Variants in ADAMTS13 observed in about 807,000 individuals in gnomAD.
ADAMTS13 encodes ADAM metallopeptidase with thrombospondin type 1 motif 13, also known as A disintegrin and metalloproteinase with thrombospondin motifs 13.
Under a neutral mutation model 155.1 loss-of-function variants are expected in ADAMTS13, and 110 were observed. The observed-to-expected ratio is 0.71, with a 90% CI of 0.61 to 0.83. The LOEUF (loss-of-function observed/expected upper bound fraction) is 0.83. ADAMTS13 is among the 40% of genes least tolerant of loss of function. The probability of loss-of-function intolerance (pLI) is 0.00; values close to 1 mark genes in which losing one functional copy is unlikely to be tolerated. For synonymous variants in ADAMTS13, 758 were observed against 756.4 expected, an observed-to-expected ratio of 1.00 and a Z score of -0.03; for missense variants, 1,707 against 1,891.7, an observed-to-expected ratio of 0.90 and a Z score of 1.81.
rs1019836624 is a variant in ADAMTS13, at chr9:133,425,246, C to T, written c.331-283C>T. Among the ~76,000 whole-genome samples the T allele has an allele frequency of 8.5e-5, 13 of 152,220 alleles. No individual in the cohort carries two copies. Among genetic ancestry groups the T allele is most frequent in the Non-Finnish European group, 1.8e-4 (12 of 68,042 alleles). On this transcript the variant is annotated intron_variant, in intron 3 of 28. Transcript: ENST00000355699. This position sits in a 1 kb window ranked among gnomAD's most constrained non-coding sequence, Gnocchi z 4.6. The stretch of plus-strand genomic sequence containing the variant: ...CGATCTGAGAGGAGCAGCGTTTGAC[C>T]GGAATATCCGACTCGTGACCATCTG...
chr9:133,443,611 C>T (rs1285943247), intron 19 of ADAMTS13, 50 bp downstream of exon 19: 30 of 1,476,742 alleles, frequency 2.0e-5, no homozygotes, highest in African/African-American at 4.2e-5. Flanking sequence ...TGGCAGAGCT[C>T]GTCCCTGCGC....
At chr9:133,430,235 A>G in intron 8 of ADAMTS13, 134 bp downstream of exon 8, 3 of 1,136,854 alleles carry the variant, frequency 2.6e-6, no homozygotes, top group Non-Finnish European at 3.8e-6. Context: ...AGGGCGGCTT[A>G]GTTTAATGCT....
chr9:133,432,763 T>A, intron 9 of ADAMTS13, 71 bp downstream of exon 9: 2 of 1,429,120 alleles, frequency 1.4e-6, no homozygotes, highest in African/African-American at 1.4e-5. Context: ...CAGGCCGCCC[T>A]ATTCCTAGGT....
At chr9:133,442,334 G>C (rs1841732498) in intron 16 of ADAMTS13, 65 bp from the exon 17 acceptor site, 1 of 1,611,676 alleles carries the variant, frequency 6.2e-7, no homozygotes, top group Non-Finnish European at 8.5e-7. Context: ...CTTCCCAGGG[G>C]AGGTGGCCAT....
intron 28 of ADAMTS13, among the ~76,000 whole-genome samples, chr9:133,458,752 AGGCAGCCTGGCCCCGCTCT>A (rs1258088726): frequency 5.3e-5 from 8 of 152,018 alleles, no homozygotes; most frequent in Admixed American, 1.3e-4. Context: ...TCCCCAGAGG[AGGCAGCCTGGCCCCGCTCT>A]GGCACCCTGA....
At chr9:133,443,635 T>G in intron 19 of ADAMTS13, 74 bp downstream of exon 19, 1 of 1,431,376 alleles carries the variant, frequency 7.0e-7, no homozygotes, top group South Asian at 1.4e-5. Context: ...GCCCCCATCC[T>G]TCTGAGAATC....
intron 1 of ADAMTS13, 42 bp downstream of exon 1, chr9:133,422,590 G>A: frequency 6.2e-7 from 1 of 1,605,408 alleles, no homozygotes; most frequent in Non-Finnish European, 8.5e-7. Flanking sequence ...GGGAGCCTCT[G>A]GGTGGGGTAT....
chr9:133,444,926 C>A lies in ADAMTS13; in HGVS notation c.2484C>A (p.Asn828Lys). 1 of 1,613,446 alleles carries A rather than the reference C, an allele frequency of 6.2e-7. No homozygotes were observed. Among genetic ancestry groups the A allele is most frequent in the Non-Finnish European group, 8.5e-7 (1 of 1,180,022 alleles). The change falls in exon 20 of 29, where the codon AAC becomes AAA. Residue 828 changes from asparagine to lysine, a missense_variant. Asn to Lys is a moderately conservative substitution (Grantham distance 94). Transcript: ENST00000355699. ...GTGGAGCAGGCCTGGCCTTGGAGAACGAGACCTGTGTGCCAGGGGCAGATG... is the reference window on the plus strand; with the variant it reads ...GTGGAGCAGGCCTGGCCTTGGAGAAAGAGACCTGTGTGCCAGGGGCAGATG... ...SAGGAGLALENETCVPGADGL... is the reference protein window; with the variant it reads ...SAGGAGLALEKETCVPGADGL...
upstream of ADAMTS13, chr9:133,417,836 C>T: frequency 1.9e-6 from 3 of 1,599,966 alleles, no homozygotes; most frequent in Non-Finnish European, 2.5e-6. Flanking sequence ...GGACCTTCGC[C>T]TTCCCCATCC....
At position 133,458,969 on chromosome 9, in the gene ADAMTS13, C is replaced by T. The variant is rs782356033; in HGVS notation, c.3910-5C>T. On this transcript the variant is annotated splice_polypyrimidine_tract_variant and splice_region_variant and intron_variant, in intron 28 of 28. Transcript: ENST00000355699. Reference sequence around the variant, plus strand: ...GGTCCTTCTGGGCTGCCCCTTTTCTCTCAGATCCGGGACACCCACAGCTTG... The same window carrying T: ...GGTCCTTCTGGGCTGCCCCTTTTCTTTCAGATCCGGGACACCCACAGCTTG... The T allele has an allele frequency of 5.0e-6, 8 of 1,612,654 alleles. No individual in the cohort carries two copies. The highest frequency in any genetic ancestry group is 6.8e-6 in the Non-Finnish European group (8 of 1,179,730).
rs1336986124 is a variant in ADAMTS13, at chr9:133,415,067, G to C, written n.287+423G>C. On this transcript the variant is annotated intron_variant and non_coding_transcript_variant, in intron 1 of 17. Transcript: ENST00000485925. ...TTGAATTTGGAAATTACACACAGCA[G>C]ATTGAAAAAACTTACGTGTGTATGT... 6 of 1,474,360 alleles carry C rather than the reference G, an allele frequency of 4.1e-6. No homozygotes were observed. In the East Asian group the frequency reaches 9.0e-5, roughly 22 times the overall value. 91.3% of individuals were successfully genotyped at this position (1,474,360 alleles called of 1,614,324 possible).
chr9:133,438,493 C>G, intron 14 of ADAMTS13, 127 bp downstream of exon 14: 1 of 1,416,432 alleles, frequency 7.1e-7, no homozygotes, highest in Non-Finnish European at 9.6e-7. Context: ...CTGGATGCCT[C>G]CTGTGGTGTC....
At chr9:133,414,386 A>G (rs1554780964) in exon 1 of ADAMTS13, 2 of 642,588 alleles carry the variant, frequency 3.1e-6, no homozygotes, top group African/African-American at 1.8e-5. Context: ...GACAGGCCTC[A>G]TACTTGGGTC....
upstream of ADAMTS13, chr9:133,417,557 C>T (rs1044384399): frequency 1.6e-5 from 25 of 1,551,272 alleles, no homozygotes; most frequent in Non-Finnish European, 2.0e-5. Context: ...CAAGTCTTTC[C>T]CTCCGTCGCG....
chr9:133,430,224 C>T (rs934998373), intron 8 of ADAMTS13, 123 bp downstream of exon 8: 2 of 1,325,926 alleles, frequency 1.5e-6, no homozygotes, highest in Non-Finnish European at 2.1e-6. Context: ...GGTACTAAGC[C>T]AGGGCGGCTT....
rs1417582232 is a variant in ADAMTS13 at position 133,440,062 on chromosome 9, G to GTGTGTC, written c.1787-279_1787-274dup. Reference sequence around the variant, plus strand: ...GAGGGCCACAGTGGGTCTTTCTGGAGTGTGTCTGCACCTAACCTTTGAAGC... The same window carrying GTGTGTC: ...GAGGGCCACAGTGGGTCTTTCTGGAGTGTGTCTGTGTCTGCACCTAACCTTTGAAGC... On this transcript the variant is annotated intron_variant, in intron 15 of 28. Coordinates refer to ENST00000355699, the MANE Select transcript of ADAMTS13 (RefSeq NM_139027.6). This position sits in a 1 kb window ranked among gnomAD's most constrained non-coding sequence, Gnocchi z 4.3. Among the ~76,000 whole-genome samples the GTGTGTC allele has an allele frequency of 1.3e-5, 2 of 152,280 alleles. No individual in the cohort carries two copies. The highest frequency in any genetic ancestry group is 2.9e-5 in the Non-Finnish European group (2 of 68,058).
rs1394500297 is a variant in ADAMTS13 at position 133,429,886 on chromosome 9, CTCCCGGTGTACA to C, written c.825-52_825-41del. 16 of 1,531,568 alleles carry C rather than the reference CTCCCGGTGTACA, an allele frequency of 1.0e-5. No homozygotes were observed. The East Asian group carries it at 3.9e-4, about 38-fold the overall frequency. 94.9% of individuals were successfully genotyped at this position (1,531,568 alleles called of 1,614,324 possible). A position where few individuals can be genotyped will look rare whatever the true frequency, so the allele number is the denominator to read the frequency against. On this transcript the variant is annotated intron_variant, in intron 7 of 28. Coordinates refer to ENST00000355699, the MANE Select transcript of ADAMTS13 (RefSeq NM_139027.6). ...CGTGCCCACTCCTCCGTCCCGCCTC[CTCCCGGTGTACA>C]CCCCGGGACTGAGCCGGGCCTGAGC...
Position 133,459,350 on chromosome 9 carries a change from T to C in ADAMTS13, c.*170T>C. On this transcript the variant is annotated 3_prime_UTR_variant, in exon 29 of 29. Transcript: ENST00000355699. ...GGGGACTCTGGAAAAGCAGCCCCCATTTCCTCGGGTACCAATAAATAAAAC... is the reference window on the plus strand; with the variant it reads ...GGGGACTCTGGAAAAGCAGCCCCCACTTCCTCGGGTACCAATAAATAAAAC... 1 of 738,926 alleles carries C rather than the reference T, an allele frequency of 1.4e-6. No individual in the cohort carries two copies. Among genetic ancestry groups the C allele is most frequent in the Non-Finnish European group, 2.4e-6 (1 of 421,680 alleles). The allele number at this position is 738,926 out of a possible 1,614,324, so 45.8% of individuals were successfully genotyped here.
At chr9:133,429,881 G>T (rs372976387) in intron 7 of ADAMTS13, 58 bp from the exon 8 acceptor site, 38 of 1,532,646 alleles carry the variant, frequency 2.5e-5, no homozygotes, top group Non-Finnish European at 3.1e-5. Context: ...CCTCCGTCCC[G>T]CCTCCTCCCG....
Sources: gnomAD v4.1 joint callset for allele counts (sites outside exome capture counted in the v4.1 genomes callset) on GRCh38, gnomAD v4.1.1 for gene constraint, Gnocchi (gnomAD v3.1) non-coding constraint, MANE v1.5 for transcripts, NCBI Gene and HGNC (gene_info 2026-07-23, HGNC 2026-07-21) for gene names.